The following TUSC3 variants were observed in gnomAD, a reference collection of about 807,000 sequenced individuals.
The protein encoded by TUSC3 is dolichyl-diphosphooligosaccharide--protein glycosyltransferase subunit TUSC3.
Under a neutral mutation model 44.8 loss-of-function variants are expected in TUSC3, and 45 were observed. The observed-to-expected ratio is 1.00, with a 90% CI of 0.79 to 1.29. The LOEUF (loss-of-function observed/expected upper bound fraction) is 1.29. Among genes scored for constraint, TUSC3 ranks in the 50% most tolerant of loss-of-function variants. The pLI is 0.00. For missense variants in TUSC3, 519 were observed against 437.9 expected, an observed-to-expected ratio of 1.19 and a Z score of -1.65; for synonymous variants, 212 against 152.9, an observed-to-expected ratio of 1.39 and a Z score of -2.85.
At chr8:15,475,811 A>C (rs528025946) in intron 1 of TUSC3, among the ~76,000 whole-genome samples, 1 of 152,306 alleles carries the variant, frequency 6.6e-6, no homozygotes, top group Admixed American at 6.5e-5. Context: ...AATAGGATGT[A>C]GGCACTCTGA....
intron 1 of TUSC3, among the ~76,000 whole-genome samples, chr8:15,478,321 G>GT (rs563402086): frequency 5.5e-4 from 84 of 152,152 alleles, no homozygotes; most frequent in African/African-American, 2.0e-3. Flanking sequence ...GATGTGCAGG[G>GT]TTTTTACATA....
chr8:15,740,938 T>G (rs1031627475), intron 7 of TUSC3, among the ~76,000 whole-genome samples: 1 of 152,194 alleles, frequency 6.6e-6, no homozygotes, highest in Non-Finnish European at 1.5e-5. Flanking sequence ...GTACGTAATT[T>G]TCTGTTACCA....
At chr8:15,786,771 G>T in the TUSC3 span, among the ~76,000 whole-genome samples, 1 of 151,458 alleles carries the variant, frequency 6.6e-6, no homozygotes, top group Non-Finnish European at 1.5e-5. Flanking sequence ...GTGAAACCCT[G>T]TCTCTGCTAA....
chr8:15,729,289 C>G (rs11203716), intron 6 of TUSC3, among the ~76,000 whole-genome samples: 152,279 of 152,318 alleles, frequency 1, 76,120 homozygotes, highest in Middle Eastern at 1. Context: ...CGTTCCTCCT[C>G]TGTTTTGGTA....
intron 1 of TUSC3, among the ~76,000 whole-genome samples, chr8:15,599,275 T>C (rs2129153872): frequency 6.6e-6 from 1 of 151,918 alleles, no homozygotes; most frequent in Middle Eastern, 3.4e-3. Flanking sequence ...TAAAATTGGG[T>C]TGTTTTGTTC....
At chr8:15,445,840 C>G (rs1218251290) in intron 1 of TUSC3, among the ~76,000 whole-genome samples, 4 of 152,246 alleles carry the variant, frequency 2.6e-5, no homozygotes, top group Non-Finnish European at 5.9e-5. Context: ...GTACACCTCC[C>G]AGATGGTAGA....
chr8:15,794,589 CA>C, the TUSC3 span, among the ~76,000 whole-genome samples: 1 of 152,090 alleles, frequency 6.6e-6, no homozygotes, highest in Non-Finnish European at 1.5e-5. Context: ...TTACTTAAAG[CA>C]ATAGCATAGC....
At chr8:15,492,260 A>C (rs1800819495) in intron 2 of TUSC3, among the ~76,000 whole-genome samples, 1 of 152,170 alleles carries the variant, frequency 6.6e-6, no homozygotes, top group South Asian at 2.1e-4. Context: ...GCACGAACTC[A>C]AGAAGAGCCT....
At chr8:15,634,793 C>T (rs1189472021) in intron 2 of TUSC3, among the ~76,000 whole-genome samples, 1 of 152,204 alleles carries the variant, frequency 6.6e-6, no homozygotes, top group Non-Finnish European at 1.5e-5. Context: ...TCTGTAACTT[C>T]ACCTTTTCTC....
At chr8:15,664,432 A>T (rs535380684) in intron 5 of TUSC3, among the ~76,000 whole-genome samples, 26 of 137,192 alleles carry the variant, frequency 1.9e-4, no homozygotes, top group African/African-American at 7.0e-4. Flanking sequence ...GCTATGTTAT[A>T]CAGATTTATT....
intron 6 of TUSC3, among the ~76,000 whole-genome samples, chr8:15,686,144 C>G (rs13250624): frequency 0.21 from 31,824 of 151,976 alleles, 4,254 homozygotes; most frequent in Non-Finnish European, 0.3. Flanking sequence ...AACACAAAAG[C>G]AGTCATTATT....
chr8:15,668,974 CAGA>C (rs1563163448), intron 5 of TUSC3, among the ~76,000 whole-genome samples: 1 of 151,656 alleles, frequency 6.6e-6, no homozygotes, highest in African/African-American at 2.4e-5. Context: ...TTCTAAAAAG[CAGA>C]GTAGAGTATT....
At chr8:15,761,890 A>G (rs1812181430) in intron 10 of TUSC3, among the ~76,000 whole-genome samples, 1 of 152,148 alleles carries the variant, frequency 6.6e-6, no homozygotes, top group Non-Finnish European at 1.5e-5. Flanking sequence ...GAGAACTATT[A>G]TACTGTTAGA....
At chr8:15,418,323 A>T (rs1023291732) in intron 1 of TUSC3, among the ~76,000 whole-genome samples, 2 of 152,190 alleles carry the variant, frequency 1.3e-5, no homozygotes, top group African/African-American at 4.8e-5. Flanking sequence ...TCCTTTTTAA[A>T]ATATATGTTT....
chr8:15,435,507 A>C (rs1286854179), intron 1 of TUSC3, among the ~76,000 whole-genome samples: 1 of 152,246 alleles, frequency 6.6e-6, no homozygotes, highest in Non-Finnish European at 1.5e-5. Context: ...TATTTCAAAT[A>C]GCATATTATA....
intron 6 of TUSC3, among the ~76,000 whole-genome samples, chr8:15,711,464 G>A (rs1386748631): frequency 2.7e-4 from 1 of 3,764 alleles, no homozygotes; most frequent in Non-Finnish European, 9.8e-4. Context: ...AAAAAGGTAC[G>A]TGTGTGTGTG....
chr8:15,476,050 G>T (rs1194499492), intron 1 of TUSC3, among the ~76,000 whole-genome samples: 2 of 152,090 alleles, frequency 1.3e-5, no homozygotes, highest in African/African-American at 4.8e-5. Flanking sequence ...TTCCTTGTTT[G>T]CTCCTACTTA....
the TUSC3 span, among the ~76,000 whole-genome samples, chr8:15,780,147 A>ATGT: frequency 6.6e-6 from 1 of 152,190 alleles, no homozygotes; most frequent in Non-Finnish European, 1.5e-5. Context: ...AAATAAACAT[A>ATGT]TGTTCATGAG....
intron 2 of TUSC3, among the ~76,000 whole-genome samples, chr8:15,500,998 A>G (rs186090165): frequency 7.0e-4 from 106 of 152,340 alleles, no homozygotes; most frequent in Non-Finnish European, 1.3e-3. Flanking sequence ...CTGTATAGCT[A>G]TAATACCAAA....
Sources: allele counts gnomAD v4.1 joint callset (sites outside exome capture counted in the v4.1 genomes callset), GRCh38; gene constraint gnomAD v4.1.1; transcripts MANE v1.5; gene names NCBI Gene and HGNC (gene_info 2026-07-23, HGNC 2026-07-21).